Variants in CTDP1 observed in about 807,000 individuals in gnomAD.
CTDP1 encodes RNA polymerase II subunit A C-terminal domain phosphatase.
A neutral mutation model predicts 91.8 loss-of-function variants in CTDP1; 47 were observed. The observed-to-expected ratio is 0.51, with a 90% confidence interval of 0.41 to 0.65. The LOEUF (loss-of-function observed/expected upper bound fraction) is 0.65. Among genes scored for constraint, CTDP1 ranks in the 30% least tolerant of loss-of-function variants. The probability of loss-of-function intolerance (pLI) is 0.00; values close to 1 mark genes in which losing one functional copy is unlikely to be tolerated. For synonymous variants in CTDP1, 656 were observed against 598.5 expected, an observed-to-expected ratio of 1.10 and a Z score of -1.40; for missense variants, 1,272 against 1,373.7, an observed-to-expected ratio of 0.93 and a Z score of 1.17.
rs376626587 is a variant in CTDP1 at position 79,690,961 on chromosome 18, G to A, written c.315-4264G>A. ...CGTTGCTGGAAGCCTGCGGAGTGCT[G>A]CCTGCGTGCACTGGGCGCAGGTGCC... On this transcript the variant is annotated intron_variant, in intron 1 of 12. Coordinates refer to ENST00000613122, the MANE Select transcript of CTDP1 (RefSeq NM_004715.5). Among the ~76,000 whole-genome samples the A allele has an allele frequency of 2.2e-3, 328 of 152,342 alleles. 2 individuals carry two copies. Among genetic ancestry groups the A allele is most frequent in the African/African-American group, 6.7e-3 (277 of 41,572 alleles).
rs538850499 is a variant in CTDP1 at position 79,714,690 on chromosome 18, C to G, written c.1230C>G (p.Ala410=). The part of the protein sequence containing the change: ...KPDERDIWPP[A]QAPTSSQELA... ...ACGAGAGGGACATCTGGCCCCCTGCCCAGGCCCCCACCAGCAGCCAAGAGC... is the reference window on the plus strand; with the variant it reads ...ACGAGAGGGACATCTGGCCCCCTGCGCAGGCCCCCACCAGCAGCCAAGAGC... Residue 410 remains alanine, a synonymous_variant, in exon 8 of 13, where the codon GCC becomes GCG. Transcript: ENST00000613122. 2 of 1,610,002 alleles carry G rather than the reference C, an allele frequency of 1.2e-6. No individual in the cohort carries two copies. Among genetic ancestry groups the G allele is most frequent in the South Asian group, 2.2e-5 (2 of 90,818 alleles).
intron 4 of CTDP1, among the ~76,000 whole-genome samples, chr18:79,703,399 C>T (rs1039569610): frequency 6.6e-5 from 10 of 152,168 alleles, no homozygotes; most frequent in African/African-American, 2.4e-4. Flanking sequence ...CGAAGTTTAG[C>T]TTCCTAAGGA....
intron 12 of CTDP1, among the ~76,000 whole-genome samples, chr18:79,736,829 C>T (rs542430575): frequency 9.6e-4 from 141 of 147,234 alleles, no homozygotes; most frequent in African/African-American, 3.5e-3. Context: ...TGCACGTGTG[C>T]GCAGGCATGT....
In CTDP1 at chr18:79,706,245, A is replaced by T. The variant is rs1477904414; in HGVS notation, c.772+1328A>T. 2.0e-5 allele frequency among the ~76,000 whole-genome samples: 3 copies of T among 152,198 alleles called. No homozygotes were observed. The East Asian group carries it at 5.8e-4, about 29-fold the overall frequency. ...CGGCCTCCAGAACTGTGAGGAAGGG[A>T]CGTGTGTTCCTGAGTCACCCACACT... On this transcript the variant is annotated intron_variant, in intron 5 of 12. Transcript: ENST00000613122.
intron 11 of CTDP1, among the ~76,000 whole-genome samples, chr18:79,735,254 G>A (rs1421224995): frequency 6.6e-6 from 1 of 152,194 alleles, no homozygotes; most frequent in Non-Finnish European, 1.5e-5. Flanking sequence ...GTCGGTGAGT[G>A]CCCCTCAAGG....
intron 12 of CTDP1, among the ~76,000 whole-genome samples, chr18:79,740,659 A>G (rs1315720378): frequency 6.6e-6 from 1 of 152,180 alleles, no homozygotes; most frequent in African/African-American, 2.4e-5. Flanking sequence ...CTAATTTCGC[A>G]TGGCCAAGCT....
At chr18:79,719,430 TC>T (rs2086288883) in intron 10 of CTDP1, among the ~76,000 whole-genome samples, 1 of 151,832 alleles carries the variant, frequency 6.6e-6, no homozygotes, top group East Asian at 1.9e-4. Flanking sequence ...GAATCTGAGG[TC>T]CTCCATTCTG....
At chr18:79,710,595 A>G (rs1335808120) in intron 6 of CTDP1, among the ~76,000 whole-genome samples, 159 bp downstream of exon 6, 1 of 150,118 alleles carries the variant, frequency 6.7e-6, no homozygotes, top group Non-Finnish European at 1.5e-5. Flanking sequence ...ATCTCGGCTC[A>G]CTGCAAGCTC....
Position 79,680,261 on chromosome 18 carries a change from G to C in CTDP1, c.314G>C (p.Gly105Ala). 1 of 1,287,760 alleles carries C rather than the reference G, an allele frequency of 7.8e-7. No individual in the cohort carries two copies. The highest frequency in any genetic ancestry group is 9.8e-7 in the Non-Finnish European group (1 of 1,021,400). 79.8% of individuals were successfully genotyped at this position (1,287,760 alleles called of 1,614,324 possible). Residue 105 changes from glycine to alanine, a missense_variant and splice_region_variant, in exon 1 of 13, where the codon GGA becomes GCA. This residue lies in a region of CTDP1 where 214 missense variants were observed against 179.1 expected (regional missense o/e 1.19). Transcript: ENST00000613122. ...CAGCCGGGCCAGGTGGTCGCCCCAGGGTGAGTGTGCTGAGCCGGGCGGGGC... is the reference window on the plus strand; with the variant it reads ...CAGCCGGGCCAGGTGGTCGCCCCAGCGTGAGTGTGCTGAGCCGGGCGGGGC... ...CAQPGQVVAP[G>A]AVLVRLEGCS...
At position 79,747,540 on chromosome 18, in the gene CTDP1, G is replaced by A. The variant is rs191459805; in HGVS notation, c.2748-6112G>A. ...GTAGGTGGTTGGACTGTTGGGTCCC[G>A]CTGACGTCATCTGGTGGGTTCCTTC... is the stretch of plus-strand genomic sequence containing the variant. On this transcript the variant is annotated intron_variant, in intron 12 of 12. Transcript: ENST00000613122. Among the ~76,000 whole-genome samples the A allele has an allele frequency of 7.4e-3, 1,127 of 152,328 alleles. 11 individuals carry two copies. Among genetic ancestry groups the A allele is most frequent in the African/African-American group, 0.025 (1,048 of 41,572 alleles).
In CTDP1 at chr18:79,714,773, G is replaced by T; in HGVS notation, c.1313G>T (p.Gly438Val). ...GCGCAGGGTGGCCGGGTGGCACCGG[G>T]ACAGCGGCCTGCCCAGGGTGCCACG... Reference protein sequence around the residue: ...SCAQGGRVAPGQRPAQGATGT... With the variant: ...SCAQGGRVAPVQRPAQGATGT... The change falls in exon 8 of 13, where the codon GGA becomes GTA. Residue 438 changes from glycine to valine, a missense_variant. By Grantham distance (109) the Gly-to-Val change is moderately radical. This residue lies in a region of CTDP1 where 881 missense variants were observed against 911.6 expected (regional missense o/e 0.97). Transcript: ENST00000613122. The T allele has an allele frequency of 1.2e-6, 2 of 1,603,140 alleles. 1 individual carries two copies.
At chr18:79,695,691 G>A (rs973275515) in intron 2 of CTDP1, among the ~76,000 whole-genome samples, 1 of 152,170 alleles carries the variant, frequency 6.6e-6, no homozygotes, top group African/African-American at 2.4e-5. Context: ...CTTTTTCTGC[G>A]TTTTCATGGT....
Position 79,680,148 on chromosome 18 carries a change from T to C in CTDP1, c.201T>C (p.Arg67=). The C allele has an allele frequency of 7.0e-7, 1 of 1,425,020 alleles. No individual in the cohort carries two copies. The highest frequency in any genetic ancestry group is 9.2e-7 in the Non-Finnish European group (1 of 1,091,378). The allele number at this position is 1,425,020 out of a possible 1,614,324, so 88.3% of individuals were successfully genotyped here. Residue 67 remains arginine (R), a synonymous_variant, in exon 1 of 13, where the codon CGT becomes CGC. Transcript: ENST00000613122. ...AGTCCTCCGGGGCCTCTCAGTCCCG[T>C]GTAGCCTCCGGGGGCTGCGTGCGCC... ...SAQSSGASQS[R]VASGGCVRPA...
At chr18:79,686,111 CTT>C (rs1371127147) in intron 1 of CTDP1, among the ~76,000 whole-genome samples, 1 of 152,134 alleles carries the variant, frequency 6.6e-6, no homozygotes, top group Non-Finnish European at 1.5e-5. Context: ...TGTGATTTAC[CTT>C]TGTCATGGGT....
At chr18:79,706,865 C>T (rs2085977547) in intron 5 of CTDP1, among the ~76,000 whole-genome samples, 1 of 152,270 alleles carries the variant, frequency 6.6e-6, no homozygotes, top group African/African-American at 2.4e-5. Flanking sequence ...AGGCGCACAC[C>T]AGCGGGCACA....
intron 1 of CTDP1, among the ~76,000 whole-genome samples, chr18:79,685,754 G>A (rs543688282): frequency 1.3e-5 from 2 of 152,318 alleles, no homozygotes; most frequent in East Asian, 3.9e-4. Flanking sequence ...ATGTGCTTCA[G>A]TCAGTGCACG....
chr18:79,741,190 C>T (rs539842728), intron 12 of CTDP1, among the ~76,000 whole-genome samples: 6 of 147,834 alleles, frequency 4.1e-5, no homozygotes, highest in Admixed American at 2.0e-4. Flanking sequence ...GGTCCCCGTG[C>T]GGTTGATCTG....
chr18:79,701,015 A>T (rs970011728), intron 4 of CTDP1, among the ~76,000 whole-genome samples: 2 of 152,216 alleles, frequency 1.3e-5, no homozygotes, highest in African/African-American at 4.8e-5. Flanking sequence ...GACCATTCTA[A>T]GCCCGCTCTT....
chr18:79,685,007 A>T (rs62097707), intron 1 of CTDP1, among the ~76,000 whole-genome samples: 3,355 of 36,696 alleles, frequency 0.091, 165 homozygotes, highest in South Asian at 0.18. Context: ...GGTGAGGAGG[A>T]CGGTGCAGGG....
Sources: gnomAD v4.1 joint callset for allele counts (sites outside exome capture counted in the v4.1 genomes callset) on GRCh38, gnomAD v4.1.1 for gene constraint, gnomAD v4.1.1 regional missense constraint, MANE v1.5 for transcripts, NCBI Gene and HGNC (gene_info 2026-07-23, HGNC 2026-07-21) for gene names.